Variants in NIPAL2 observed in about 807,000 individuals in gnomAD.
NIPAL2 encodes NIPA-like protein 2.
In NIPAL2, 43 loss-of-function variants were observed where a neutral mutation model predicts 48.9. The ratio of observed to expected loss-of-function variants is 0.88; its 90% confidence interval spans 0.69 to 1.13. The LOEUF (loss-of-function observed/expected upper bound fraction) is 1.13. NIPAL2 is among the 50% of genes most tolerant of loss of function. NIPAL2 has a pLI of 0.00. For synonymous variants in NIPAL2, 167 were observed against 174.6 expected, an observed-to-expected ratio of 0.96 and a Z score of 0.34; for missense variants, 446 against 461.4, an observed-to-expected ratio of 0.97 and a Z score of 0.31.
chr8:98,241,273 T>A (rs964613423), intron 3 of NIPAL2, among the ~76,000 whole-genome samples: 1 of 152,174 alleles, frequency 6.6e-6, no homozygotes, highest in Non-Finnish European at 1.5e-5. Context: ...GGAACACAAG[T>A]AATTCACAAA....
intron 5 of NIPAL2, among the ~76,000 whole-genome samples, chr8:98,218,281 C>G (rs1001741322): frequency 3.3e-5 from 5 of 152,268 alleles, no homozygotes; most frequent in African/African-American, 1.2e-4. Context: ...GGTAAGGCTT[C>G]AAGTCTGGAC....
intron 4 of NIPAL2, among the ~76,000 whole-genome samples, chr8:98,224,447 T>G (rs931035757): frequency 7.3e-5 from 11 of 151,334 alleles, no homozygotes; most frequent in Non-Finnish European, 1.2e-4. Context: ...GCAGGGTGGC[T>G]TCATTCTTTT....
chr8:98,212,600 G>T (rs375216118), intron 5 of NIPAL2, 99 bp from the exon 6 acceptor site: 1 of 644,820 alleles, frequency 1.6e-6, no homozygotes, highest in East Asian at 2.8e-5. Context: ...TCATATGAGC[G>T]TTGAGGGTGA....
At chr8:98,287,393 G>A (rs896398387) in intron 1 of NIPAL2, among the ~76,000 whole-genome samples, 2 of 152,208 alleles carry the variant, frequency 1.3e-5, no homozygotes, top group East Asian at 3.8e-4. Flanking sequence ...ATTAGGAAGT[G>A]TTCTGAAATG....
intron 8 of NIPAL2, among the ~76,000 whole-genome samples, chr8:98,197,286 G>C (rs1201964430): frequency 6.6e-6 from 1 of 151,994 alleles, no homozygotes; most frequent in Non-Finnish European, 1.5e-5. Flanking sequence ...ATGTGCAATA[G>C]CATTATGTCT....
chr8:98,261,846 A>G (rs1045741211), intron 1 of NIPAL2, among the ~76,000 whole-genome samples: 5 of 140,508 alleles, frequency 3.6e-5, no homozygotes, highest in Non-Finnish European at 7.7e-5. Context: ...CAAAGTTGAA[A>G]TGAAGGAAAA....
At position 98,294,109 on chromosome 8, in the gene NIPAL2, C is replaced by T. The variant is rs1419071879; in HGVS notation, c.29G>A (p.Gly10Glu). Residue 10 changes from glycine (G) to glutamate (E), a missense_variant, in exon 1 of 11, where the codon GGG (glycine) becomes GAG (glutamate). Coordinates refer to ENST00000430223, the MANE Select transcript of NIPAL2 (RefSeq NM_001321635.2). MAAVAPAGP[G>E]DSASAALDEL... ...GTCCAGGGCGGCCGAGGCGGAGTCC[C>T]CGGGGCCCGCGGGCGCCACCGCTGC... is the stretch of plus-strand genomic sequence containing the variant. The T allele has an allele frequency of 7.4e-6, 11 of 1,478,056 alleles. No individual in the cohort carries two copies. The highest frequency in any genetic ancestry group is 9.9e-6 in the Non-Finnish European group (11 of 1,113,840). The allele number at this position is 1,478,056 out of a possible 1,614,324, so 91.6% of individuals were successfully genotyped here. A position where few individuals can be genotyped will look rare whatever the true frequency, so the allele number is the denominator to read the frequency against.
chr8:98,240,477 G>A (rs1337398889), intron 3 of NIPAL2, among the ~76,000 whole-genome samples: 1 of 151,754 alleles, frequency 6.6e-6, no homozygotes, highest in Non-Finnish European at 1.5e-5. Flanking sequence ...TTCTTGGCAG[G>A]TGGGAGATGT....
intron 9 of NIPAL2, chr8:98,195,723 C>A: frequency 2.5e-6 from 1 of 398,922 alleles, no homozygotes; most frequent in Non-Finnish European, 4.6e-6. Flanking sequence ...TTGGAAATCC[C>A]CAATGTTTCA....
chr8:98,249,630 A>G (rs1226823747), intron 3 of NIPAL2, among the ~76,000 whole-genome samples: 3 of 147,808 alleles, frequency 2.0e-5, no homozygotes, highest in African/African-American at 4.9e-5. Context: ...ATAACATAAT[A>G]CAATTTAATA....
chr8:98,246,335 A>G (rs1218026957), intron 3 of NIPAL2, among the ~76,000 whole-genome samples: 1 of 152,210 alleles, frequency 6.6e-6, no homozygotes, highest in Admixed American at 6.5e-5. Flanking sequence ...TTTGAGCAAA[A>G]ACCAGCATAT....
chr8:98,283,501 C>G (rs1009278464), intron 1 of NIPAL2, among the ~76,000 whole-genome samples: 1 of 152,192 alleles, frequency 6.6e-6, no homozygotes, highest in Non-Finnish European at 1.5e-5. Flanking sequence ...AAGAATGCCA[C>G]TGTCTATGTC....
chr8:98,238,924 G>C (rs929741642), intron 3 of NIPAL2, among the ~76,000 whole-genome samples: 2 of 152,154 alleles, frequency 1.3e-5, no homozygotes, highest in East Asian at 1.9e-4. Context: ...TCCCATGGTA[G>C]AGCATGAGAA....
chr8:98,260,116 C>T (rs900671975), intron 1 of NIPAL2, among the ~76,000 whole-genome samples: 21 of 152,096 alleles, frequency 1.4e-4, no homozygotes, highest in African/African-American at 5.1e-4. Flanking sequence ...TGAGGGTTAC[C>T]ATGGCATAGA....
At position 98,267,901 on chromosome 8, in the gene NIPAL2, T is replaced by C. The variant is rs567468011; in HGVS notation, c.136-13814A>G. Among the ~76,000 whole-genome samples, 9 of 152,322 alleles carry C rather than the reference T, an allele frequency of 5.9e-5. No homozygotes were observed. In the South Asian group the frequency reaches 1.2e-3, roughly 21 times the overall value. ...ATTTAGAGATTTAAAATTAGCCATA[T>C]ACACATTCCCCACAATTAAATAATA... On this transcript the variant is annotated intron_variant, in intron 1 of 10. Transcript: ENST00000430223.
intron 1 of NIPAL2, among the ~76,000 whole-genome samples, chr8:98,258,960 G>A (rs879532822): frequency 5.3e-5 from 8 of 151,256 alleles, no homozygotes; most frequent in South Asian, 4.2e-4. Context: ...AATGGTGGCA[G>A]GATTTGGCAA....
At chr8:98,270,343 T>A (rs1815053217) in intron 1 of NIPAL2, among the ~76,000 whole-genome samples, 1 of 152,092 alleles carries the variant, frequency 6.6e-6, no homozygotes, top group African/African-American at 2.4e-5. Context: ...CTCACCAGCA[T>A]CTGTTGTTTT....
chr8:98,281,784 G>A (rs1376704082), intron 1 of NIPAL2, among the ~76,000 whole-genome samples: 1 of 152,206 alleles, frequency 6.6e-6, no homozygotes, highest in Non-Finnish European at 1.5e-5. Context: ...ATCTGTCTAG[G>A]GTAGGGACTG....
intron 6 of NIPAL2, among the ~76,000 whole-genome samples, chr8:98,209,825 A>G (rs999278378): frequency 6.6e-6 from 1 of 152,130 alleles, no homozygotes; most frequent in Admixed American, 6.5e-5. Flanking sequence ...TATGTCCTCA[A>G]ATAGTTGCAA....
Sources: allele counts gnomAD v4.1 joint callset (sites outside exome capture counted in the v4.1 genomes callset), GRCh38; gene constraint gnomAD v4.1.1; transcripts MANE v1.5; gene names NCBI Gene and HGNC (gene_info 2026-07-23, HGNC 2026-07-21).